GXYLT2: variants seen among roughly 807,000 people sequenced by gnomAD.
GXYLT2 encodes the protein glucoside xylosyltransferase 2.
GXYLT2 carries 53 observed loss-of-function variants against 45.8 expected under a neutral mutation model. The ratio of observed to expected loss-of-function variants is 1.16; its 90% confidence interval spans 0.93 to 1.46. GXYLT2 has a LOEUF of 1.46. Among genes scored for constraint, GXYLT2 ranks in the 40% most tolerant of loss-of-function variants. The probability of loss-of-function intolerance (pLI) is 0.00; values close to 1 mark genes in which losing one functional copy is unlikely to be tolerated. For missense variants in GXYLT2, 551 were observed against 544.4 expected, an observed-to-expected ratio of 1.01 and a Z score of -0.12; for synonymous variants, 219 against 214.2, an observed-to-expected ratio of 1.02 and a Z score of -0.19.
chr3:72,954,804 C>CT (rs1052782938), intron 3 of GXYLT2, among the ~76,000 whole-genome samples: 1 of 151,760 alleles, frequency 6.6e-6, no homozygotes, highest in Non-Finnish European at 1.5e-5. Flanking sequence ...CTGATGTTTT[C>CT]TTTTTTTTGT....
chr3:72,905,789 C>T (rs1433157121), intron 1 of GXYLT2, among the ~76,000 whole-genome samples: 1 of 152,156 alleles, frequency 6.6e-6, no homozygotes, highest in South Asian at 2.1e-4. Flanking sequence ...CATGAAAGCT[C>T]AATATGGTGC....
intron 1 of GXYLT2, 44 bp from the exon 2 acceptor site, chr3:72,908,323 T>C: frequency 6.8e-7 from 1 of 1,480,230 alleles, no homozygotes; most frequent in Non-Finnish European, 9.1e-7. Flanking sequence ...GTTTTTACTT[T>C]TTTGAGTTTA....
At chr3:72,916,544 T>C (rs1260109715) in intron 2 of GXYLT2, among the ~76,000 whole-genome samples, 1 of 151,320 alleles carries the variant, frequency 6.6e-6, no homozygotes, top group Non-Finnish European at 1.5e-5. Flanking sequence ...TTGTTTGTTT[T>C]TGTTTTTGTT....
intron 3 of GXYLT2, among the ~76,000 whole-genome samples, chr3:72,930,466 C>T (rs1254916031): frequency 3.4e-5 from 5 of 148,400 alleles, no homozygotes; most frequent in Admixed American, 6.7e-5. Flanking sequence ...CATGCCACTG[C>T]ACTCCAGCCT....
At position 72,939,574 on chromosome 3, in the gene GXYLT2, CAG is replaced by C. The variant is rs199891772; in HGVS notation, c.601-15522_601-15521del. Among the ~76,000 whole-genome samples the C allele has an allele frequency of 5.7e-3, 861 of 152,234 alleles. 7 individuals are homozygous for C. The highest frequency in any genetic ancestry group is 0.019 in the African/African-American group (801 of 41,544). On this transcript the variant is annotated intron_variant, in intron 3 of 6. Transcript: ENST00000389617. ...ATACTTGAGAATATGCAGCATCAAA[CAG>C]AATGTTCTTTGTTGTCTGCACACAT...
intron 1 of GXYLT2, among the ~76,000 whole-genome samples, chr3:72,889,822 C>T (rs1255873206): frequency 6.6e-6 from 1 of 151,854 alleles, no homozygotes; most frequent in African/African-American, 2.4e-5. Context: ...TACAAATAGT[C>T]ACAGTTAACA....
Position 72,918,417 on chromosome 3 carries a change from T to A in GXYLT2, c.469-3787T>A, listed in dbSNP as rs748892832. Among the ~76,000 whole-genome samples the A allele has an allele frequency of 4.6e-5, 7 of 152,324 alleles. No individual in the cohort carries two copies. The South Asian group carries it at 8.3e-4, about 18-fold the overall frequency. On this transcript the variant is annotated intron_variant, in intron 2 of 6. Transcript: ENST00000389617. ...TTAGATTGTTTCTAATTTTTCATTG[T>A]TACAAACAACACTAAAACAAACAAC...
chr3:72,944,499 C>T lies in GXYLT2; in HGVS notation c.601-10599C>T, dbSNP rs551361072. ...TGAACTCCTGACCTCGAGTGATCCG[C>T]CCGCCTCAGCCTCCAAAAGTGCTGG... On this transcript the variant is annotated intron_variant, in intron 3 of 6. Transcript: ENST00000389617. Among the ~76,000 whole-genome samples the T allele has an allele frequency of 6.2e-4, 94 of 152,214 alleles. No homozygotes were observed. The South Asian group carries it at 0.018, about 30-fold the overall frequency.
intron 3 of GXYLT2, among the ~76,000 whole-genome samples, chr3:72,938,139 C>G (rs1419241610): frequency 6.6e-6 from 1 of 152,150 alleles, no homozygotes; most frequent in Non-Finnish European, 1.5e-5. Flanking sequence ...GGTCTTTGAT[C>G]TTCTGCACCT....
intron 1 of GXYLT2, among the ~76,000 whole-genome samples, chr3:72,891,276 G>C (rs535028689): frequency 1.2e-4 from 18 of 152,242 alleles, no homozygotes; most frequent in Middle Eastern, 3.4e-3. Context: ...AGTTGGATGT[G>C]ACACAGTCCA....
At chr3:72,966,714 C>T (rs1329028703) in intron 5 of GXYLT2, among the ~76,000 whole-genome samples, 1 of 151,764 alleles carries the variant, frequency 6.6e-6, no homozygotes, top group Non-Finnish European at 1.5e-5. Context: ...ACTGCAACCT[C>T]TGCCACCTCC....
intron 2 of GXYLT2, among the ~76,000 whole-genome samples, chr3:72,915,876 C>A (rs542154844): frequency 6.6e-6 from 1 of 151,702 alleles, no homozygotes; most frequent in East Asian, 1.9e-4. Flanking sequence ...ACTAGAGGAA[C>A]AAGCTGAGGC....
intron 3 of GXYLT2, among the ~76,000 whole-genome samples, chr3:72,946,276 GAAAAAAAAA>G (rs57450041): frequency 1.2e-4 from 7 of 59,446 alleles, no homozygotes; most frequent in African/African-American, 2.5e-4. Flanking sequence ...GACCCTGTCT[GAAAAAAAAA>G]AAAAAAAAAA....
intron 2 of GXYLT2, among the ~76,000 whole-genome samples, chr3:72,920,171 G>A (rs1709805292): frequency 6.6e-6 from 1 of 151,678 alleles, no homozygotes. Context: ...GTCTCACTCT[G>A]TCACCCAGGC....
intron 3 of GXYLT2, among the ~76,000 whole-genome samples, chr3:72,929,821 A>G (rs1212645757): frequency 3.9e-5 from 6 of 152,222 alleles, no homozygotes; most frequent in Non-Finnish European, 8.8e-5. Context: ...CATAAATTCG[A>G]CTATATAAAT....
intron 3 of GXYLT2, among the ~76,000 whole-genome samples, chr3:72,939,513 A>G (rs1710258932): frequency 6.6e-6 from 1 of 152,188 alleles, no homozygotes. Flanking sequence ...ATTATTCTCT[A>G]AACTATCTTA....
At chr3:72,897,278 A>G (rs1709311845) in intron 1 of GXYLT2, among the ~76,000 whole-genome samples, 1 of 152,222 alleles carries the variant, frequency 6.6e-6, no homozygotes. Context: ...TCGCAAGTGA[A>G]GCCAGGATTT....
At chr3:72,915,700 G>A (rs1709728984) in intron 2 of GXYLT2, among the ~76,000 whole-genome samples, 1 of 152,072 alleles carries the variant, frequency 6.6e-6, no homozygotes. Context: ...AGCCCATGTT[G>A]TGGCATGCGC....
chr3:72,936,882 T>C (rs1710192983), intron 3 of GXYLT2, among the ~76,000 whole-genome samples: 1 of 152,172 alleles, frequency 6.6e-6, no homozygotes, highest in Non-Finnish European at 1.5e-5. Context: ...GGAATTTGTG[T>C]GAAAGAGAGC....
Sources: allele counts gnomAD v4.1 joint callset (sites outside exome capture counted in the v4.1 genomes callset), GRCh38; gene constraint gnomAD v4.1.1; transcripts MANE v1.5; gene names NCBI Gene and HGNC (gene_info 2026-07-23, HGNC 2026-07-21).